The following TFCP2L1 variants were observed in gnomAD, a reference collection of about 807,000 sequenced individuals.
The protein encoded by TFCP2L1 is transcription factor CP2-like protein 1.
In TFCP2L1, 12 loss-of-function variants were observed where a neutral mutation model predicts 72.2. That is an observed-to-expected ratio of 0.17 (90% confidence interval 0.11 to 0.27). TFCP2L1 has a LOEUF of 0.27. Among genes scored for constraint, TFCP2L1 ranks in the 10% least tolerant of loss-of-function variants. TFCP2L1 has a pLI of 1.00. For synonymous variants in TFCP2L1, 260 were observed against 251.0 expected, an observed-to-expected ratio of 1.04 and a Z score of -0.34; for missense variants, 488 against 624.6, an observed-to-expected ratio of 0.78 and a Z score of 2.33.
chr2:121,271,050 C>A (rs1174067156), intron 2 of TFCP2L1, among the ~76,000 whole-genome samples: 1 of 151,638 alleles, frequency 6.6e-6, no homozygotes, highest in East Asian at 1.9e-4. Context: ...ATTGGCTGGG[C>A]ATGATGGCAG....
At chr2:121,247,856 A>G (rs1466298487) in intron 5 of TFCP2L1, among the ~76,000 whole-genome samples, 2 of 152,252 alleles carry the variant, frequency 1.3e-5, no homozygotes, top group East Asian at 1.9e-4. Flanking sequence ...AATAGAAACT[A>G]TAATAGAAAA....
At chr2:121,260,496 G>A (rs1022136939) in intron 2 of TFCP2L1, among the ~76,000 whole-genome samples, 1 of 152,136 alleles carries the variant, frequency 6.6e-6, no homozygotes, top group African/African-American at 2.4e-5. Flanking sequence ...GCCCTCCTAC[G>A]GAGCCCTACC....
chr2:121,251,019 C>T (rs1686601071), intron 2 of TFCP2L1, among the ~76,000 whole-genome samples: 1 of 151,542 alleles, frequency 6.6e-6, no homozygotes, highest in South Asian at 2.1e-4. Flanking sequence ...ATCCCAGCAC[C>T]CAGCTGAGGC....
chr2:121,231,291 G>A (rs987860950), intron 13 of TFCP2L1, among the ~76,000 whole-genome samples: 2 of 152,220 alleles, frequency 1.3e-5, no homozygotes, highest in Non-Finnish European at 2.9e-5. Flanking sequence ...TTCAACACCC[G>A]CTTCTTAGCC....
chr2:121,249,622 C>T lies in TFCP2L1; in HGVS notation c.240G>A (p.Leu80=), dbSNP rs746668291. 3.1e-6 allele frequency: 5 copies of T among 1,614,220 alleles called. No individual in the cohort carries two copies. The South Asian group carries it at 5.5e-5, about 18-fold the overall frequency. The change falls in exon 3 of 15, where the codon CTG becomes CTA. Residue 80 remains leucine, a synonymous_variant. Coordinates refer to ENST00000263707, the MANE Select transcript of TFCP2L1 (RefSeq NM_014553.3). ...GAAAGTCTCCCAGCTTCCGATTCTCCAGTAGTCGGATTTCATAAGACTGAC... is the reference window on the plus strand; with the variant it reads ...GAAAGTCTCCCAGCTTCCGATTCTCTAGTAGTCGGATTTCATAAGACTGAC... ...NQGQSYEIRL[L]ENRKLGDFQD...
intron 1 of TFCP2L1, among the ~76,000 whole-genome samples, chr2:121,281,993 C>T (rs1415595909): frequency 1.3e-5 from 2 of 151,828 alleles, no homozygotes; most frequent in Non-Finnish European, 2.9e-5. Flanking sequence ...GTGCAAGTGG[C>T]GTGATCTCGG....
chr2:121,265,264 T>C (rs1011131839), intron 2 of TFCP2L1, among the ~76,000 whole-genome samples: 23 of 152,118 alleles, frequency 1.5e-4, no homozygotes. Context: ...AAGTCTAGAA[T>C]AGGCAAGTGG....
At chr2:121,262,926 T>C (rs1686854325) in intron 2 of TFCP2L1, among the ~76,000 whole-genome samples, 4 of 152,060 alleles carry the variant, frequency 2.6e-5, no homozygotes, top group African/African-American at 7.2e-5. Flanking sequence ...CTTTTTTCTA[T>C]ATTTTGTTTG....
At chr2:121,279,594 C>G (rs1445986035) in intron 2 of TFCP2L1, among the ~76,000 whole-genome samples, 1 of 152,222 alleles carries the variant, frequency 6.6e-6, no homozygotes, top group Non-Finnish European at 1.5e-5. Context: ...TACTTCTGAG[C>G]TAGTTTCTTG....
chr2:121,216,840 G>A lies in TFCP2L1; in HGVS notation c.*7501C>T, dbSNP rs1444029818. 2 of 152,252 alleles carry A rather than the reference G, an allele frequency of 1.3e-5. No homozygotes were observed. The highest frequency in any genetic ancestry group is 3.8e-4 in the East Asian group (2 of 5,204). 9.4% of individuals were successfully genotyped at this position (152,252 alleles called of 1,614,324 possible). A position where few individuals can be genotyped will look rare whatever the true frequency, so the allele number is the denominator to read the frequency against. On this transcript the variant is annotated 3_prime_UTR_variant, in exon 15 of 15. Transcript: ENST00000263707. ...TTAGAAAAGAGTCACCCAATCTGGA[G>A]AAAGGTGTGGAGGTTACATCTTTAG...
At chr2:121,247,113 T>C in intron 5 of TFCP2L1, 143 bp from the exon 6 acceptor site, 1 of 971,432 alleles carries the variant, frequency 1.0e-6, no homozygotes, top group Non-Finnish European at 1.5e-6. Context: ...TCCCTGACAC[T>C]CTGTCCACTC....
rs1427952977 is a variant in TFCP2L1 at position 121,269,919 on chromosome 2, ATAT to A, written c.214+11198_214+11200del. On this transcript the variant is annotated intron_variant, in intron 2 of 14. Coordinates refer to ENST00000263707, the MANE Select transcript of TFCP2L1 (RefSeq NM_014553.3). ...GCAAGACTCCATCTAAAAAAAAAAA[ATAT>A]ATATATATATATATGCAAAAGAAAT... Among the ~76,000 whole-genome samples the A allele has an allele frequency of 1.3e-3, 34 of 25,628 alleles. No homozygotes were observed. The Admixed American group carries it at 0.014, about 10-fold the overall frequency. The allele number at this position is 25,628 out of a possible 152,430, so 16.8% of individuals were successfully genotyped here. A position where few individuals can be genotyped will look rare whatever the true frequency, so the allele number is the denominator to read the frequency against.
intron 2 of TFCP2L1, among the ~76,000 whole-genome samples, chr2:121,267,737 C>T (rs767782592): frequency 3.9e-5 from 6 of 152,160 alleles, no homozygotes; most frequent in Non-Finnish European, 8.8e-5. Flanking sequence ...TCAAGTGATG[C>T]GCCTGCCTTG....
At chr2:121,224,428 G>C (rs1685982188) in intron 14 of TFCP2L1, 41 bp from the exon 15 acceptor site, 2 of 1,607,890 alleles carry the variant, frequency 1.2e-6, no homozygotes, top group Admixed American at 3.4e-5. Context: ...CAGGAAAAAA[G>C]GTGCAGTGCC....
intron 2 of TFCP2L1, among the ~76,000 whole-genome samples, chr2:121,270,144 A>T (rs1687017543): frequency 6.6e-6 from 1 of 152,144 alleles, no homozygotes; most frequent in African/African-American, 2.4e-5. Flanking sequence ...AGGAGAATTA[A>T]AAGAAGACCC....
At chr2:121,269,275 C>T (rs1333441529) in intron 2 of TFCP2L1, among the ~76,000 whole-genome samples, 5 of 151,520 alleles carry the variant, frequency 3.3e-5, no homozygotes, top group African/African-American at 1.2e-4. Context: ...ATGGCAGAAT[C>T]CCAACTCTAC....
intron 10 of TFCP2L1, 64 bp downstream of exon 10, chr2:121,237,559 G>A: frequency 1.3e-6 from 2 of 1,563,190 alleles, no homozygotes; most frequent in Non-Finnish European, 1.8e-6. Context: ...GGCCTGGAAG[G>A]TGGCCAGCCT....
At position 121,246,840 on chromosome 2, in the gene TFCP2L1, C is replaced by G. The variant is rs201841392; in HGVS notation, c.635G>C (p.Ser212Thr). The change falls in exon 6 of 15, where the codon AGC becomes ACC. Residue 212 changes from serine to threonine, a missense_variant. Ser to Thr is a moderately conservative substitution (Grantham distance 58). Coordinates refer to ENST00000263707, the MANE Select transcript of TFCP2L1 (RefSeq NM_014553.3). ...TACCTTGAACACCTTGATCTGGCAG[C>G]TGGCTGAGTGCAGGTGCTCCGTGTA... Reference protein sequence around the residue: ...GEYTEHLHSASCQIKVFKPKG... With the variant: ...GEYTEHLHSATCQIKVFKPKG... 6.2e-7 allele frequency: 1 copy of G among 1,614,178 alleles called. No homozygotes were observed. Among genetic ancestry groups the G allele is most frequent in the African/African-American group, 1.3e-5 (1 of 75,048 alleles).
intron 10 of TFCP2L1, 27 bp downstream of exon 10, chr2:121,237,596 C>A: frequency 6.2e-7 from 1 of 1,613,248 alleles, no homozygotes; most frequent in Non-Finnish European, 8.5e-7. Context: ...TACTCATGGG[C>A]TTTAAACACA....
Sources: gnomAD v4.1 joint callset for allele counts (sites outside exome capture counted in the v4.1 genomes callset) on GRCh38, gnomAD v4.1.1 for gene constraint, MANE v1.5 for transcripts, NCBI Gene and HGNC (gene_info 2026-07-23, HGNC 2026-07-21) for gene names.